The following CDC42BPA variants were observed in gnomAD, a reference collection of about 807,000 sequenced individuals.
CDC42BPA encodes serine/threonine-protein kinase MRCK alpha.
CDC42BPA carries 80 observed loss-of-function variants against 223.5 expected under a neutral mutation model. That is an observed-to-expected ratio of 0.36 (90% CI 0.30 to 0.43). The LOEUF is 0.43. Among genes scored for constraint, CDC42BPA ranks in the 20% least tolerant of loss-of-function variants. The probability of loss-of-function intolerance (pLI) is 1.00; values close to 1 mark genes in which losing one functional copy is unlikely to be tolerated. For synonymous variants in CDC42BPA, 694 were observed against 718.6 expected (o/e 0.97, Z 0.55); for missense variants, 1,743 against 2,099.9 (o/e 0.83, Z 3.32).
chr1:227,094,853 G>A (rs752768468), intron 15 of CDC42BPA, among the ~76,000 whole-genome samples: 1 of 152,084 alleles, frequency 6.6e-6, no homozygotes, highest in Non-Finnish European at 1.5e-5. Context: ...AGGGTCTACT[G>A]GCTCAAAGAG....
intron 21 of CDC42BPA, among the ~76,000 whole-genome samples, chr1:227,057,592 C>T (rs1674852237): frequency 6.6e-6 from 1 of 152,130 alleles, no homozygotes; most frequent in Non-Finnish European, 1.5e-5. Flanking sequence ...AGCATCTTCA[C>T]AGGCACTATT....
At chr1:227,104,877 TC>T (rs1685641932) in intron 14 of CDC42BPA, among the ~76,000 whole-genome samples, 1 of 152,082 alleles carries the variant, frequency 6.6e-6, no homozygotes, top group Admixed American at 6.6e-5. Flanking sequence ...ACTTCTAGCC[TC>T]CAGAACTGAG....
chr1:227,009,956 A>G (rs769104865), intron 34 of CDC42BPA, among the ~76,000 whole-genome samples: 1 of 152,226 alleles, frequency 6.6e-6, no homozygotes, highest in Admixed American at 6.5e-5. Flanking sequence ...ATTTCTACAT[A>G]TATAAATACA....
At chr1:227,090,046 T>G (rs1044939302) in intron 16 of CDC42BPA, among the ~76,000 whole-genome samples, 4 of 152,164 alleles carry the variant, frequency 2.6e-5, no homozygotes, top group Admixed American at 2.6e-4. Context: ...AGTTCAAATA[T>G]TGTTAGTCTT....
At chr1:227,027,031 G>A (rs911276513) in intron 30 of CDC42BPA, among the ~76,000 whole-genome samples, 1 of 152,126 alleles carries the variant, frequency 6.6e-6, no homozygotes, top group Non-Finnish European at 1.5e-5. Flanking sequence ...GGCCTCAAGC[G>A]ATCCTCCTGC....
chr1:227,070,040 AG>A (rs908078844), intron 20 of CDC42BPA, among the ~76,000 whole-genome samples, 187 bp from the exon 21 acceptor site: 1 of 151,924 alleles, frequency 6.6e-6, no homozygotes, highest in African/African-American at 2.4e-5. Context: ...ATCACTTAAT[AG>A]TTCAATTACA....
chr1:227,179,200 A>C (rs1667476150), intron 5 of CDC42BPA, among the ~76,000 whole-genome samples: 1 of 152,140 alleles, frequency 6.6e-6, no homozygotes, highest in Non-Finnish European at 1.5e-5. Context: ...GTAGAGACTT[A>C]AGGTATAGAG....
intron 1 of CDC42BPA, among the ~76,000 whole-genome samples, chr1:227,276,610 C>T (rs992470420): frequency 1.3e-5 from 2 of 152,134 alleles, no homozygotes; most frequent in African/African-American, 4.8e-5. Context: ...GCCATGATGA[C>T]GATGGCGGTT....
chr1:227,191,007 T>C (rs1224164806), intron 5 of CDC42BPA, among the ~76,000 whole-genome samples: 2 of 152,136 alleles, frequency 1.3e-5, no homozygotes, highest in South Asian at 2.1e-4. Context: ...AAATAAATTA[T>C]ATGTGACTCT....
At chr1:227,086,724 T>C (rs74472099) in intron 16 of CDC42BPA, among the ~76,000 whole-genome samples, 3,128 of 151,400 alleles carry the variant, frequency 0.021, 129 homozygotes, top group African/African-American at 0.072. Flanking sequence ...CTCTGGGTAG[T>C]GGTGTCATCT....
intron 3 of CDC42BPA, among the ~76,000 whole-genome samples, chr1:227,202,760 CAAA>C (rs35609906): frequency 2.4e-4 from 28 of 114,372 alleles, no homozygotes; most frequent in African/African-American, 4.5e-4. Flanking sequence ...TCTCTACAGG[CAAA>C]AAAAAAAAAA....
At chr1:227,174,587 A>G (rs1666648562) in intron 5 of CDC42BPA, among the ~76,000 whole-genome samples, 2 of 152,166 alleles carry the variant, frequency 1.3e-5, no homozygotes, top group African/African-American at 4.8e-5. Context: ...ATATCGGTAC[A>G]CTTTACTCAA....
rs566859327 is a variant in CDC42BPA at position 227,184,023 on chromosome 1, T to C, written c.599+9763A>G. ...TCTTGGGTGAAATGTCTATTGTCTT[T>C]TCCCTATTTTGTAATTAGATTGCTT... On this transcript the variant is annotated intron_variant, in intron 5 of 36. Coordinates refer to ENST00000366766, the MANE Select transcript of CDC42BPA (RefSeq NM_001394014.1). 2.0e-5 allele frequency among the ~76,000 whole-genome samples: 3 copies of C among 152,308 alleles called. No homozygotes were observed. In the South Asian group the frequency reaches 6.2e-4, roughly 32 times the overall value.
intron 1 of CDC42BPA, among the ~76,000 whole-genome samples, chr1:227,292,923 C>T (rs1215191404): frequency 1.3e-5 from 2 of 152,102 alleles, no homozygotes; most frequent in Admixed American, 1.3e-4. Context: ...GAGTTAAATA[C>T]TTCATCTCTA....
chr1:227,146,434 A>C (rs907685694), intron 7 of CDC42BPA, among the ~76,000 whole-genome samples: 2 of 152,274 alleles, frequency 1.3e-5, no homozygotes, highest in East Asian at 1.9e-4. Flanking sequence ...TTATCTTTGC[A>C]AACAGGAAGA....
At chr1:227,035,916 GA>G (rs754893212) in intron 24 of CDC42BPA, among the ~76,000 whole-genome samples, 11 of 152,166 alleles carry the variant, frequency 7.2e-5, no homozygotes, top group Non-Finnish European at 1.6e-4. Context: ...TTTTCTAAAA[GA>G]GTGGTTTCTA....
Position 227,059,298 on chromosome 1 carries a change from C to T in CDC42BPA, c.2905-7313G>A, listed in dbSNP as rs193165737. 3.1e-5 allele frequency: 38 copies of T among 1,235,628 alleles called. No individual in the cohort carries two copies. The East Asian group carries it at 3.5e-4, about 12-fold the overall frequency. The allele number at this position is 1,235,628 out of a possible 1,614,324, so 76.5% of individuals were successfully genotyped here. Reference sequence around the variant, plus strand: ...ATACCACAAAAACATTAACAGGTTCCGCAATCACAGGCAAAAGGATGAGAG... The same window carrying T: ...ATACCACAAAAACATTAACAGGTTCTGCAATCACAGGCAAAAGGATGAGAG... On this transcript the variant is annotated intron_variant, in intron 21 of 36. Coordinates refer to ENST00000366766, the MANE Select transcript of CDC42BPA (RefSeq NM_001394014.1).
chr1:227,129,606 G>T (rs2149508001), intron 10 of CDC42BPA, among the ~76,000 whole-genome samples: 1 of 135,970 alleles, frequency 7.4e-6, no homozygotes, highest in African/African-American at 2.7e-5. Flanking sequence ...GGTTGAGGTG[G>T]TAGTGAGCCT....
At chr1:227,215,478 G>A (rs1229318167) in intron 2 of CDC42BPA, among the ~76,000 whole-genome samples, 3 of 152,100 alleles carry the variant, frequency 2.0e-5, no homozygotes, top group Non-Finnish European at 2.9e-5. Context: ...CCTTGTACTC[G>A]GGATTATTGA....
Sources: allele counts gnomAD v4.1 joint callset (sites outside exome capture counted in the v4.1 genomes callset), GRCh38; gene constraint gnomAD v4.1.1; transcripts MANE v1.5; gene names NCBI Gene and HGNC (gene_info 2026-07-23, HGNC 2026-07-21).